Variants in RPTOR observed in about 807,000 individuals in gnomAD.
The protein encoded by RPTOR is regulatory associated protein of MTOR complex 1, also known as regulatory-associated protein of mTOR.
RPTOR carries 21 observed loss-of-function variants against 169.9 expected under a neutral mutation model. The observed-to-expected ratio is 0.12, with a 90% CI of 0.09 to 0.18. The LOEUF (loss-of-function observed/expected upper bound fraction) is 0.18. RPTOR is among the 10% of genes least tolerant of loss of function. RPTOR has a pLI of 1.00. For missense variants in RPTOR, 1,133 were observed against 1,855.9 expected, an observed-to-expected ratio of 0.61 and a Z score of 7.16; for synonymous variants, 732 against 753.2, an observed-to-expected ratio of 0.97 and a Z score of 0.46.
At chr17:80,662,655 G>A (rs2065733707) in intron 3 of RPTOR, among the ~76,000 whole-genome samples, 1 of 152,184 alleles carries the variant, frequency 6.6e-6, no homozygotes, top group Non-Finnish European at 1.5e-5. Context: ...GAGCAATTGG[G>A]GAAGTCGCAA....
intron 1 of RPTOR, among the ~76,000 whole-genome samples, chr17:80,608,372 A>G (rs2065243518): frequency 6.6e-6 from 1 of 152,130 alleles, no homozygotes; most frequent in South Asian, 2.1e-4. Flanking sequence ...CTTCCCTATG[A>G]GTGCATGGAA....
At chr17:80,773,605 G>A (rs1439008469) in intron 6 of RPTOR, among the ~76,000 whole-genome samples, 1 of 152,204 alleles carries the variant, frequency 6.6e-6, no homozygotes, top group Non-Finnish European at 1.5e-5. Context: ...GGTTGGAACC[G>A]TTAACCAGTG....
At chr17:80,806,613 A>T (rs1265063494) in intron 7 of RPTOR, among the ~76,000 whole-genome samples, 1 of 152,204 alleles carries the variant, frequency 6.6e-6, no homozygotes, top group African/African-American at 2.4e-5. Context: ...ACCTAGACAC[A>T]CTGACCACCT....
At chr17:80,576,599 C>A (rs2064965540) in intron 1 of RPTOR, among the ~76,000 whole-genome samples, 1 of 152,210 alleles carries the variant, frequency 6.6e-6, no homozygotes. Context: ...TCAGAACTTT[C>A]CTATGGGGCC....
intron 21 of RPTOR, among the ~76,000 whole-genome samples, chr17:80,912,532 T>A (rs1477023791): frequency 6.6e-6 from 1 of 152,208 alleles, no homozygotes; most frequent in Non-Finnish European, 1.5e-5. Flanking sequence ...TTAAGTGCGT[T>A]CCTGTGGACC....
chr17:80,554,045 TG>T (rs1375306237), intron 1 of RPTOR, among the ~76,000 whole-genome samples: 1 of 151,996 alleles, frequency 6.6e-6, no homozygotes, highest in Non-Finnish European at 1.5e-5. Flanking sequence ...CCCCGCTTGA[TG>T]TTCTGTTGTG....
intron 3 of RPTOR, among the ~76,000 whole-genome samples, chr17:80,672,302 G>T (rs1182130012): frequency 6.6e-6 from 1 of 150,978 alleles, no homozygotes; most frequent in Non-Finnish European, 1.5e-5. Context: ...TTCCAAGGCT[G>T]TTTAGTGCTC....
intron 6 of RPTOR, among the ~76,000 whole-genome samples, chr17:80,755,278 A>G (rs1567895316): frequency 6.6e-6 from 1 of 152,090 alleles, no homozygotes; most frequent in African/African-American, 2.4e-5. Flanking sequence ...ACCTCCTTTT[A>G]GTGTTACTCA....
intron 1 of RPTOR, among the ~76,000 whole-genome samples, chr17:80,554,951 T>C (rs7217900): frequency 0.62 from 93,933 of 152,018 alleles, 29,802 homozygotes; most frequent in Middle Eastern, 0.72. Flanking sequence ...GTTTGATTTT[T>C]AAGTGAATTC....
rs147686617 is a variant in RPTOR at position 80,940,539 on chromosome 17, G to A, written c.2963G>A (p.Arg988Gln). 2.1e-5 allele frequency: 34 copies of A among 1,613,532 alleles called. No homozygotes were observed. Among genetic ancestry groups the A allele is most frequent in the Non-Finnish European group, 2.8e-5 (33 of 1,179,888 alleles). Reference protein sequence around the residue: ...HDLESQIRKEREWRFLRNSRV... With the variant: ...HDLESQIRKEQEWRFLRNSRV... ...CTGGAGAGTCAGATCCGCAAGGAGC[G>A]GGAGTGGCGGTTCCTGCGAAACAGC... Residue 988 changes from arginine (R) to glutamine (Q), a missense_variant, in exon 25 of 34, where the codon CGG (arginine) becomes CAG (glutamine). Arg to Gln is a conservative substitution (Grantham distance 43, BLOSUM62 1). This residue lies in a region of RPTOR where 410 missense variants were observed against 623.7 expected (regional missense o/e 0.66). Transcript: ENST00000306801.
rs372290591 is a variant in RPTOR, at chr17:80,901,625, T to G, written c.2402-7186T>G. Among the ~76,000 whole-genome samples the G allele has an allele frequency of 6.6e-5, 10 of 152,328 alleles. No homozygotes were observed. In the East Asian group the frequency reaches 1.4e-3, roughly 21 times the overall value. On this transcript the variant is annotated intron_variant, in intron 20 of 33. Transcript: ENST00000306801. ...AATCCCATTGTGCACAGCACTTCCC[T>G]GTTTCCAGCCAATTTCTTCTTTCAT...
intron 10 of RPTOR, among the ~76,000 whole-genome samples, chr17:80,839,152 T>G (rs1462501698): frequency 6.6e-6 from 1 of 152,228 alleles, no homozygotes; most frequent in East Asian, 1.9e-4. Context: ...TGCGTGCGTG[T>G]GTACGCGTGA....
intron 28 of RPTOR, among the ~76,000 whole-genome samples, chr17:80,956,836 C>G (rs534243524): frequency 6.6e-6 from 1 of 152,140 alleles, no homozygotes; most frequent in Admixed American, 6.5e-5. Context: ...ACACCTTAGA[C>G]AGATGTTCCT....
chr17:80,713,785 G>T (rs1411845250), intron 4 of RPTOR, among the ~76,000 whole-genome samples: 1 of 152,086 alleles, frequency 6.6e-6, no homozygotes, highest in African/African-American at 2.4e-5. Context: ...GTGTGCGTGC[G>T]CTTAATATCA....
intron 28 of RPTOR, among the ~76,000 whole-genome samples, chr17:80,952,794 A>T (rs2069197308): frequency 6.7e-6 from 1 of 149,988 alleles, no homozygotes; most frequent in African/African-American, 2.5e-5. Context: ...CCAAGTGACC[A>T]TGCAGTCTAG....
intron 3 of RPTOR, among the ~76,000 whole-genome samples, chr17:80,692,571 T>C (rs1315782441): frequency 6.6e-6 from 1 of 152,174 alleles, no homozygotes; most frequent in Non-Finnish European, 1.5e-5. Flanking sequence ...TCCACCTGCC[T>C]TGGCCTCCCA....
At chr17:80,791,658 G>A (rs1000083754) in intron 7 of RPTOR, 149 bp downstream of exon 7, 1 of 682,708 alleles carries the variant, frequency 1.5e-6, no homozygotes, top group Non-Finnish European at 2.4e-6. Flanking sequence ...GATTAAGGCT[G>A]TGTTTGTGAT....
At chr17:80,805,825 C>T (rs1447899657) in intron 7 of RPTOR, among the ~76,000 whole-genome samples, 2 of 152,140 alleles carry the variant, frequency 1.3e-5, no homozygotes, top group Non-Finnish European at 2.9e-5. Flanking sequence ...TTGTTGTTGA[C>T]TGACTCCAGG....
chr17:80,653,031 AT>A (rs2065652848), intron 3 of RPTOR, among the ~76,000 whole-genome samples: 1 of 152,206 alleles, frequency 6.6e-6, no homozygotes, highest in African/African-American at 2.4e-5. Context: ...CTTATTGGCC[AT>A]TTGGAGGAGT....
Sources: gnomAD v4.1 joint callset for allele counts (sites outside exome capture counted in the v4.1 genomes callset) on GRCh38, gnomAD v4.1.1 for gene constraint, gnomAD v4.1.1 regional missense constraint, MANE v1.5 for transcripts, NCBI Gene and HGNC (gene_info 2026-07-23, HGNC 2026-07-21) for gene names.